STATH: variants seen among roughly 807,000 people sequenced by gnomAD.
STATH encodes the protein statherin.
A neutral mutation model predicts 13.3 loss-of-function variants in STATH; 11 were observed. The ratio of observed to expected loss-of-function variants is 0.83; its 90% confidence interval spans 0.52 to 1.37. The LOEUF (loss-of-function observed/expected upper bound fraction) is 1.37, where lower values mean the gene tolerates loss of function less well. Among genes scored for constraint, STATH ranks in the 40% most tolerant of loss-of-function variants. The pLI is 0.00. For missense variants in STATH, 78 were observed against 73.3 expected, an observed-to-expected ratio of 1.06 and a Z score of -0.24; for synonymous variants, 25 against 23.6, an observed-to-expected ratio of 1.06 and a Z score of -0.17.
chr4:70,001,021 TCAGTGCTGA>T (rs1724649880), intron 5 of STATH, 39 bp downstream of exon 5: 2 of 1,393,310 alleles, frequency 1.4e-6, no homozygotes, highest in Non-Finnish European at 2.0e-6. Flanking sequence ...ACTTTCTGTA[TCAGTGCTGA>T]CAGTTAAAAG....
intron 4 of STATH, 145 bp downstream of exon 4, chr4:69,999,954 G>A: frequency 1.1e-6 from 1 of 890,588 alleles, no homozygotes; most frequent in Non-Finnish European, 1.7e-6. Flanking sequence ...ATGATACACA[G>A]GTAACAGTCA....
At chr4:69,997,576 C>G (rs1036351436) in intron 1 of STATH, among the ~76,000 whole-genome samples, 1 of 152,088 alleles carries the variant, frequency 6.6e-6, no homozygotes, top group Admixed American at 6.6e-5. Flanking sequence ...AATAAATAAT[C>G]TAACGTTTTT....
At chr4:69,998,334 C>A in intron 1 of STATH, 89 bp from the exon 2 acceptor site, 2 of 880,440 alleles carry the variant, frequency 2.3e-6, no homozygotes, top group East Asian at 4.9e-5. Context: ...GTGTGTCTCC[C>A]AGTGCTTTGG....
chr4:69,998,054 C>T (rs1724556236), intron 1 of STATH, among the ~76,000 whole-genome samples: 1 of 152,064 alleles, frequency 6.6e-6, no homozygotes, highest in African/African-American at 2.4e-5. Flanking sequence ...GAACTGTTTG[C>T]ACTTTCAATA....
At position 70,001,084 on chromosome 4, in the gene STATH, A is replaced by G. The variant is rs2109683721; in HGVS notation, c.*33+102A>G. Reference sequence around the variant, plus strand: ...ACATTAAACCAACAGCAGTTCCAGTATAAGAAAGCAGCCAGCTGTATAGCT... The same window carrying G: ...ACATTAAACCAACAGCAGTTCCAGTGTAAGAAAGCAGCCAGCTGTATAGCT... On this transcript the variant is annotated intron_variant, in intron 5 of 5. Coordinates refer to ENST00000246895, the MANE Select transcript of STATH (RefSeq NM_003154.3). The G allele has an allele frequency of 1.1e-5, 8 of 739,938 alleles. No homozygotes were observed. In the South Asian group the frequency reaches 1.1e-4, roughly 10 times the overall value. The allele number at this position is 739,938 out of a possible 1,614,324, so 45.8% of individuals were successfully genotyped here.
chr4:69,998,610 TC>T, intron 2 of STATH, 122 bp downstream of exon 2: 1 of 787,380 alleles, frequency 1.3e-6, no homozygotes, highest in Non-Finnish European at 1.9e-6. Flanking sequence ...TTTAAATGTT[TC>T]CATATGAACT....
chr4:70,001,801 A>G (rs989040547), intron 5 of STATH, among the ~76,000 whole-genome samples: 7 of 151,772 alleles, frequency 4.6e-5, no homozygotes, highest in African/African-American at 1.7e-4. Context: ...CTCTATTGCC[A>G]TTAGTGATAC....
At position 70,000,950 on chromosome 4, in the gene STATH, TATC is replaced by T; in HGVS notation, c.*6_*8del. 1 of 1,609,960 alleles carries T rather than the reference TATC, an allele frequency of 6.2e-7. No homozygotes were observed. Among genetic ancestry groups the T allele is most frequent in the Admixed American group, 1.7e-5 (1 of 59,858 alleles). On this transcript the variant is annotated 3_prime_UTR_variant, in exon 5 of 6. Coordinates refer to ENST00000246895, the MANE Select transcript of STATH (RefSeq NM_003154.3). ...ACAATACCAACAATATACCTTTTAA[TATC>T]ATCAGTAACTGCAGGACATGATTAT...
chr4:70,000,953 C>T lies in STATH; in HGVS notation c.*4C>T. 6.2e-7 allele frequency: 1 copy of T among 1,608,526 alleles called. No individual in the cohort carries two copies. The highest frequency in any genetic ancestry group is 8.5e-7 in the Non-Finnish European group (1 of 1,175,442). ...ATACCAACAATATACCTTTTAATAT[C>T]ATCAGTAACTGCAGGACATGATTAT... On this transcript the variant is annotated 3_prime_UTR_variant, in exon 5 of 6. Transcript: ENST00000246895.
chr4:70,000,949 A>G lies in STATH; in HGVS notation c.189A>G (p.Ter63=). ...CACAATACCAACAATATACCTTTTA[A>G]TATCATCAGTAACTGCAGGACATGA... ...YQPQYQQYTF[*] is the part of the protein sequence containing the mutation. Residue 63 remains the stop codon, a stop_retained_variant, in exon 5 of 6, where the codon TAA becomes TAG. Coordinates refer to ENST00000246895, the MANE Select transcript of STATH (RefSeq NM_003154.3). 1 of 1,610,398 alleles carries G rather than the reference A, an allele frequency of 6.2e-7. No homozygotes were observed. The highest frequency in any genetic ancestry group is 8.5e-7 in the Non-Finnish European group (1 of 1,177,032).
intron 4 of STATH, chr4:70,000,075 C>T: frequency 4.7e-6 from 2 of 425,358 alleles, no homozygotes; most frequent in Admixed American, 7.8e-5. Flanking sequence ...TCACTTTGAC[C>T]TAAAAAATAG....
In STATH at chr4:70,000,962, C is replaced by G; in HGVS notation, c.*13C>G. ...ATATACCTTTTAATATCATCAGTAA[C>G]TGCAGGACATGATTATTGAGGTAAG... On this transcript the variant is annotated 3_prime_UTR_variant, in exon 5 of 6. Coordinates refer to ENST00000246895, the MANE Select transcript of STATH (RefSeq NM_003154.3). The G allele has an allele frequency of 1.9e-6, 3 of 1,604,008 alleles. No homozygotes were observed. Among genetic ancestry groups the G allele is most frequent in the Non-Finnish European group, 2.6e-6 (3 of 1,171,366 alleles).
At chr4:70,000,700 G>A in intron 4 of STATH, 163 bp from the exon 5 acceptor site, 1 of 589,090 alleles carries the variant, frequency 1.7e-6, no homozygotes, top group South Asian at 2.3e-5. Flanking sequence ...CTTTTAAAAT[G>A]TGTTTATAAC....
At chr4:69,999,633 A>T (rs1560414051) in intron 2 of STATH, 34 bp from the exon 3 acceptor site, 8 of 1,600,896 alleles carry the variant, frequency 5.0e-6, no homozygotes, top group Admixed American at 1.7e-5. Context: ...TAACATTAAG[A>T]TACTAACTAT....
chr4:70,002,297 C>T lies in STATH; in HGVS notation c.*142C>T, dbSNP rs192626805. The T allele has an allele frequency of 1.9e-3, 289 of 151,652 alleles. No homozygotes were observed. Among genetic ancestry groups the T allele is most frequent in the African/African-American group, 6.7e-3 (278 of 41,430 alleles). The allele number at this position is 151,652 out of a possible 1,614,324, so 9.4% of individuals were successfully genotyped here. A position where few individuals can be genotyped will look rare whatever the true frequency, so the allele number is the denominator to read the frequency against. On this transcript the variant is annotated 3_prime_UTR_variant, in exon 6 of 6. Coordinates refer to ENST00000246895, the MANE Select transcript of STATH (RefSeq NM_003154.3). ...CAAAGAGCAATGCAAATGAAAAACA[C>T]TATAATTTACTGTATACTCTTTGTT...
Position 69,998,409 on chromosome 4 carries a change from A to G in STATH, c.-15-14A>G. 2 of 1,604,988 alleles carry G rather than the reference A, an allele frequency of 1.2e-6. No homozygotes were observed. The highest frequency in any genetic ancestry group is 1.7e-6 in the Non-Finnish European group (2 of 1,174,030). ...AGAAAAAATGTGATACTGAATTTCCACATATGTTTTCAGAGAACCCAGCCA... is the reference window on the plus strand; with the variant it reads ...AGAAAAAATGTGATACTGAATTTCCGCATATGTTTTCAGAGAACCCAGCCA... On this transcript the variant is annotated splice_polypyrimidine_tract_variant and intron_variant, in intron 1 of 5. Transcript: ENST00000246895.
At position 70,000,998 on chromosome 4, in the gene STATH, T is replaced by C. The variant is rs1301560540; in HGVS notation, c.*33+16T>C. ...GATTATTGAGGTAAGATGGGTTTAG[T>C]GACATTTTTTTTACTTTCTGTATCA... On this transcript the variant is annotated intron_variant, in intron 5 of 5. Coordinates refer to ENST00000246895, the MANE Select transcript of STATH (RefSeq NM_003154.3). 6.5e-7 allele frequency: 1 copy of C among 1,549,808 alleles called. No individual in the cohort carries two copies. The highest frequency in any genetic ancestry group is 8.9e-7 in the Non-Finnish European group (1 of 1,122,524).
intron 1 of STATH, among the ~76,000 whole-genome samples, chr4:69,996,867 G>T (rs1342824822): frequency 2.0e-5 from 3 of 150,324 alleles, no homozygotes; most frequent in Non-Finnish European, 4.4e-5. Context: ...TATCTATCAG[G>T]TGATAGAAAA....
chr4:69,997,277 C>A (rs1188702852), intron 1 of STATH, among the ~76,000 whole-genome samples: 1 of 151,962 alleles, frequency 6.6e-6, no homozygotes, highest in Non-Finnish European at 1.5e-5. Context: ...TGAGGCAAAT[C>A]AGTGAATAAG....
Sources: allele counts gnomAD v4.1 joint callset (sites outside exome capture counted in the v4.1 genomes callset), GRCh38; gene constraint gnomAD v4.1.1; transcripts MANE v1.5; gene names NCBI Gene and HGNC (gene_info 2026-07-23, HGNC 2026-07-21).